The following ZMYM2 variants were observed in gnomAD, a reference collection of about 807,000 sequenced individuals.
ZMYM2 encodes the protein zinc finger MYM-type protein 2.
ZMYM2 carries 56 observed loss-of-function variants against 162.8 expected under a neutral mutation model. The ratio of observed to expected loss-of-function variants is 0.34; its 90% CI spans 0.28 to 0.43. The LOEUF (loss-of-function observed/expected upper bound fraction) is 0.43, where lower values mean the gene tolerates loss of function less well. Among genes scored for constraint, ZMYM2 ranks in the 20% least tolerant of loss-of-function variants. ZMYM2 has a pLI of 1.00. For missense variants in ZMYM2, 1,275 were observed against 1,621.8 expected, an observed-to-expected ratio of 0.79 and a Z score of 3.67; for synonymous variants, 510 against 541.6, an observed-to-expected ratio of 0.94 and a Z score of 0.81.
the ZMYM2 span, among the ~76,000 whole-genome samples, chr13:19,889,307 ATTTAT>A: frequency 6.6e-5 from 10 of 151,732 alleles, 1 homozygote; most frequent in African/African-American, 2.2e-4. Flanking sequence ...TTGTTTTGGA[ATTTAT>A]TTTATTTTAT....
rs562783278 is a variant in ZMYM2, at chr13:20,080,643, C to A, written c.3454-1373C>A. Among the ~76,000 whole-genome samples the A allele has an allele frequency of 5.9e-5, 9 of 152,216 alleles. No homozygotes were observed. The East Asian group carries it at 9.7e-4, about 16-fold the overall frequency. On this transcript the variant is annotated intron_variant, in intron 21 of 24. Transcript: ENST00000610343. ...TCGCTGGAGCTACAGGCACATGCCA[C>A]CACGCCTGGCTAATTTTTGTATTTT...
intron 2 of ZMYM2, among the ~76,000 whole-genome samples, chr13:19,988,129 TTC>T (rs1288735802): frequency 1.3e-5 from 2 of 152,166 alleles, no homozygotes; most frequent in Non-Finnish European, 2.9e-5. Context: ...TAGAAAAAAA[TTC>T]TGTTTTCTTT....
chr13:20,034,450 A>AT, intron 11 of ZMYM2, 46 bp downstream of exon 11: 1 of 1,403,898 alleles, frequency 7.1e-7, no homozygotes, highest in Non-Finnish European at 9.3e-7. Flanking sequence ...TTGATATTTA[A>AT]TGTTTTTTGC....
intron 2 of ZMYM2, among the ~76,000 whole-genome samples, chr13:19,983,404 C>T (rs1347654710): frequency 6.6e-6 from 1 of 152,110 alleles, no homozygotes; most frequent in Non-Finnish European, 1.5e-5. Context: ...CCTCGGCCTC[C>T]CAAAGTGCTG....
chr13:19,890,498 GC>G, the ZMYM2 span, among the ~76,000 whole-genome samples: 1 of 15,762 alleles, frequency 6.3e-5, no homozygotes, highest in Non-Finnish European at 1.5e-4. Context: ...TGTTTGTAGT[GC>G]TTTTGTAAAA....
chr13:20,044,563 GC>G, intron 12 of ZMYM2, among the ~76,000 whole-genome samples: 1 of 152,208 alleles, frequency 6.6e-6, no homozygotes, highest in South Asian at 2.1e-4. Flanking sequence ...CAGCCATCTT[GC>G]CCCAACATCT....
At chr13:20,007,473 T>C (rs1038745119) in intron 6 of ZMYM2, among the ~76,000 whole-genome samples, 2 of 152,070 alleles carry the variant, frequency 1.3e-5, no homozygotes, top group Admixed American at 1.3e-4. Context: ...TGATTTCTAG[T>C]TTTATTCCAT....
chr13:19,865,243 C>A, the ZMYM2 span, among the ~76,000 whole-genome samples: 3 of 152,202 alleles, frequency 2.0e-5, no homozygotes, highest in South Asian at 6.2e-4. Context: ...AACGAAAAAA[C>A]CAAAACGCCA....
intron 9 of ZMYM2, among the ~76,000 whole-genome samples, chr13:20,029,886 C>T (rs1037736671): frequency 6.6e-6 from 1 of 151,834 alleles, no homozygotes; most frequent in East Asian, 1.9e-4. Flanking sequence ...CAATCTCTGC[C>T]TCCTGGGTTC....
chr13:20,015,612 T>G (rs1951556408), intron 6 of ZMYM2, among the ~76,000 whole-genome samples: 1 of 152,176 alleles, frequency 6.6e-6, no homozygotes, highest in Non-Finnish European at 1.5e-5. Flanking sequence ...TATTGTCTAT[T>G]TCTCCTTTTA....
At chr13:19,996,773 C>T (rs1950049014) in intron 3 of ZMYM2, among the ~76,000 whole-genome samples, 1 of 152,134 alleles carries the variant, frequency 6.6e-6, no homozygotes, top group Admixed American at 6.6e-5. Flanking sequence ...GTAGCCTCAG[C>T]TACTTGGGAG....
intron 3 of ZMYM2, among the ~76,000 whole-genome samples, chr13:20,001,171 C>T (rs1368251042): frequency 3.3e-5 from 5 of 152,066 alleles, no homozygotes; most frequent in Admixed American, 2.6e-4. Context: ...GCAAATGGAT[C>T]GGTTGAGGCC....
intron 12 of ZMYM2, among the ~76,000 whole-genome samples, chr13:20,048,635 A>G (rs1955034258): frequency 6.6e-6 from 1 of 152,042 alleles, no homozygotes; most frequent in Non-Finnish European, 1.5e-5. Flanking sequence ...GTCAAAAATG[A>G]AAAGTTGAAA....
At chr13:20,014,070 TTTTGTTTG>T (rs774413039) in intron 6 of ZMYM2, among the ~76,000 whole-genome samples, 1 of 151,942 alleles carries the variant, frequency 6.6e-6, no homozygotes, top group Non-Finnish European at 1.5e-5. Context: ...TTTTGGGACT[TTTTGTTTG>T]TTTGTTTGTT....
chr13:20,035,614 C>T (rs1171590026), intron 11 of ZMYM2, among the ~76,000 whole-genome samples: 1 of 151,958 alleles, frequency 6.6e-6, no homozygotes, highest in Non-Finnish European at 1.5e-5. Flanking sequence ...ATGGACTTTA[C>T]TAAAATGAAT....
intron 2 of ZMYM2, among the ~76,000 whole-genome samples, chr13:19,975,826 C>T (rs1462997303): frequency 6.6e-6 from 1 of 151,798 alleles, no homozygotes; most frequent in Non-Finnish European, 1.5e-5. Context: ...TTTATCAGCA[C>T]TTTTCTTTTT....
chr13:20,003,138 A>G lies in ZMYM2; in HGVS notation c.1133+3A>G. ...AAACTCTGTGTTATGTGTAAAAAGT[A>G]AGGTTTACCTTTCAACATAATTACA... On this transcript the variant is annotated splice_donor_region_variant and intron_variant, in intron 4 of 24. Transcript: ENST00000610343. 6.2e-7 allele frequency: 1 copy of G among 1,610,702 alleles called. No individual in the cohort carries two copies. The highest frequency in any genetic ancestry group is 1.1e-5 in the South Asian group (1 of 90,866).
chr13:19,878,156 G>A, the ZMYM2 span, among the ~76,000 whole-genome samples: 1 of 151,414 alleles, frequency 6.6e-6, no homozygotes, highest in Non-Finnish European at 1.5e-5. Flanking sequence ...GGGTTCAATC[G>A]ATTCTCCTGC....
chr13:19,959,289 C>T (rs1954901721), intron 1 of ZMYM2, among the ~76,000 whole-genome samples: 1 of 151,796 alleles, frequency 6.6e-6, no homozygotes, highest in Admixed American at 6.6e-5. Flanking sequence ...GCTGGGTCTC[C>T]GCTCTCGGGG....
Sources: allele counts gnomAD v4.1 joint callset (sites outside exome capture counted in the v4.1 genomes callset), GRCh38; gene constraint gnomAD v4.1.1; transcripts MANE v1.5; gene names NCBI Gene and HGNC (gene_info 2026-07-23, HGNC 2026-07-21).